The following AEBP2 variants were observed in gnomAD, a reference collection of about 807,000 sequenced individuals.
AEBP2 encodes the protein zinc finger protein AEBP2.
Under a neutral mutation model 50.8 loss-of-function variants are expected in AEBP2, and 10 were observed. The observed-to-expected ratio is 0.20, with a 90% CI of 0.12 to 0.33. The LOEUF (loss-of-function observed/expected upper bound fraction) is 0.33, where lower values mean the gene tolerates loss of function less well. Among genes scored for constraint, AEBP2 ranks in the 10% least tolerant of loss-of-function variants. The pLI is 1.00. For synonymous variants in AEBP2, 296 were observed against 261.3 expected, an observed-to-expected ratio of 1.13 and a Z score of -1.28; for missense variants, 570 against 688.0, an observed-to-expected ratio of 0.83 and a Z score of 1.92.
intron 3 of AEBP2, among the ~76,000 whole-genome samples, chr12:19,486,418 G>A (rs1008083263): frequency 1.3e-5 from 2 of 151,898 alleles, no homozygotes; most frequent in East Asian, 3.9e-4. Context: ...TTGAGACGGG[G>A]TCTCACTCTG....
At chr12:19,427,880 G>A (rs1291043349) in intron 1 of AEBP2, among the ~76,000 whole-genome samples, 1 of 151,990 alleles carries the variant, frequency 6.6e-6, no homozygotes, top group East Asian at 1.9e-4. Flanking sequence ...ACATTTGTGT[G>A]TTTATTTTAC....
intron 1 of AEBP2, among the ~76,000 whole-genome samples, chr12:19,428,814 A>C (rs1199226876): frequency 7.2e-6 from 1 of 138,650 alleles, no homozygotes; most frequent in Admixed American, 7.2e-5. Context: ...ACTCCATCTC[A>C]AAAAAAAAAA....
chr12:19,478,374 C>T (rs1418442513), intron 3 of AEBP2, among the ~76,000 whole-genome samples: 1 of 152,180 alleles, frequency 6.6e-6, no homozygotes. Context: ...CAGCTCACTG[C>T]AACCTCTGCT....
intron 1 of AEBP2, among the ~76,000 whole-genome samples, chr12:19,446,332 G>A (rs528473567): frequency 2.7e-4 from 41 of 152,256 alleles, no homozygotes; most frequent in Non-Finnish European, 5.4e-4. Context: ...AGAACTGGAG[G>A]CAGGTATGGT....
In AEBP2 at chr12:19,521,391, A is replaced by G. The variant is rs1248216040; in HGVS notation, c.*3274A>G. On this transcript the variant is annotated 3_prime_UTR_variant, in exon 8 of 8. Coordinates refer to ENST00000266508, the MANE Select transcript of AEBP2 (RefSeq NM_153207.5). ...AAAGTTATTAATAGTCCATCATTTC[A>G]TCATTTGTGTTTCTGTATTTATTTT... The G allele has an allele frequency of 1.3e-5, 2 of 152,162 alleles. No homozygotes were observed. Among genetic ancestry groups the G allele is most frequent in the Non-Finnish European group, 2.9e-5 (2 of 68,014 alleles). The allele number at this position is 152,162 out of a possible 1,614,324, so 9.4% of individuals were successfully genotyped here.
At chr12:19,495,680 T>A (rs1216085646) in intron 4 of AEBP2, among the ~76,000 whole-genome samples, 1 of 151,974 alleles carries the variant, frequency 6.6e-6, no homozygotes, top group Non-Finnish European at 1.5e-5. Context: ...TAGCTGGGAC[T>A]ACAGGCCTGA....
intron 1 of AEBP2, among the ~76,000 whole-genome samples, chr12:19,426,761 G>T (rs544235139): frequency 2.7e-4 from 41 of 151,152 alleles, no homozygotes; most frequent in Non-Finnish European, 4.9e-4. Context: ...AAAATTAGCC[G>T]GCTGTGGTGT....
intron 3 of AEBP2, among the ~76,000 whole-genome samples, chr12:19,488,290 A>ATTTTT (rs34804680): frequency 1.7e-5 from 2 of 118,418 alleles, no homozygotes; most frequent in Non-Finnish European, 3.5e-5. Flanking sequence ...TAATTTTTGT[A>ATTTTT]TTTTTTTTTT....
intron 2 of AEBP2, among the ~76,000 whole-genome samples, chr12:19,468,643 T>C (rs1948523831): frequency 6.6e-6 from 1 of 152,208 alleles, no homozygotes; most frequent in African/African-American, 2.4e-5. Flanking sequence ...TCAAATACAT[T>C]CAGATACATA....
At chr12:19,415,671 CAA>C (rs1565694877) in intron 1 of AEBP2, among the ~76,000 whole-genome samples, 12 of 149,220 alleles carry the variant, frequency 8.0e-5, no homozygotes, top group East Asian at 2.0e-4. Flanking sequence ...CAATACAATA[CAA>C]TACAATACAA....
intron 4 of AEBP2, among the ~76,000 whole-genome samples, chr12:19,497,155 A>G (rs1478213098): frequency 6.6e-6 from 1 of 151,666 alleles, no homozygotes; most frequent in Non-Finnish European, 1.5e-5. Context: ...CTTCCTACCT[A>G]TATACTTTTT....
At chr12:19,482,907 T>C (rs1592756196) in intron 3 of AEBP2, among the ~76,000 whole-genome samples, 1 of 152,034 alleles carries the variant, frequency 6.6e-6, no homozygotes, top group Admixed American at 6.6e-5. Flanking sequence ...CTCATTCAGC[T>C]CCCATGCAGT....
intron 4 of AEBP2, among the ~76,000 whole-genome samples, chr12:19,498,812 C>T (rs1409688463): frequency 6.6e-6 from 1 of 151,834 alleles, no homozygotes; most frequent in South Asian, 2.1e-4. Flanking sequence ...TTTTTTTGAT[C>T]ACACTAAAAT....
intron 5 of AEBP2, among the ~76,000 whole-genome samples, chr12:19,501,797 G>GTGTTT (rs1949082206): frequency 1.4e-5 from 1 of 70,870 alleles, no homozygotes; most frequent in Non-Finnish European, 2.7e-5. Context: ...AAATGAGTTT[G>GTGTTT]TTTTTTTTTT....
chr12:19,460,218 C>T (rs1467192002), intron 1 of AEBP2, among the ~76,000 whole-genome samples: 2 of 152,094 alleles, frequency 1.3e-5, no homozygotes, highest in Non-Finnish European at 2.9e-5. Flanking sequence ...TTAACATCCC[C>T]CCACCCCTCA....
At chr12:19,500,581 C>G (rs1949053625) in intron 5 of AEBP2, among the ~76,000 whole-genome samples, 1 of 152,166 alleles carries the variant, frequency 6.6e-6, no homozygotes, top group South Asian at 2.1e-4. Flanking sequence ...CTCCTTTTAC[C>G]TCTAAAAAGT....
intron 2 of AEBP2, among the ~76,000 whole-genome samples, chr12:19,466,471 T>C (rs181159833): frequency 2.2e-4 from 34 of 152,226 alleles, no homozygotes; most frequent in South Asian, 2.1e-4. Context: ...ACAAAAAACA[T>C]TTTTAATGTA....
rs747750453 is a variant in AEBP2, at chr12:19,494,498, C to CTT, written c.1174+532_1174+533dup. Among the ~76,000 whole-genome samples, 156 of 115,832 alleles carry CTT rather than the reference C, an allele frequency of 1.3e-3. 1 individual carries two copies. The highest frequency in any genetic ancestry group is 1.6e-3 in the African/African-American group (48 of 29,840). The allele number at this position is 115,832 out of a possible 152,430, so 76.0% of individuals were successfully genotyped here. On this transcript the variant is annotated intron_variant, in intron 4 of 7. Coordinates refer to ENST00000266508, the MANE Select transcript of AEBP2 (RefSeq NM_153207.5). ...GTGTGTGGATAACAAAGCAGTGTTG[C>CTT]TTTTTTTTTTTTTTTTTTTTTGAGA...
At chr12:19,453,060 C>G (rs574106553) in intron 1 of AEBP2, among the ~76,000 whole-genome samples, 2 of 151,142 alleles carry the variant, frequency 1.3e-5, no homozygotes, top group Non-Finnish European at 2.9e-5. Flanking sequence ...GCTCCGCCTC[C>G]CAGGTTCACG....
Sources: allele counts gnomAD v4.1 joint callset (sites outside exome capture counted in the v4.1 genomes callset), GRCh38; gene constraint gnomAD v4.1.1; transcripts MANE v1.5; gene names NCBI Gene and HGNC (gene_info 2026-07-23, HGNC 2026-07-21).